The following COL27A1 variants were observed in gnomAD, a reference collection of about 807,000 sequenced individuals.
COL27A1 encodes collagen type XXVII alpha 1 chain.
In COL27A1, 106 loss-of-function variants were observed where a neutral mutation model predicts 251.3. The ratio of observed to expected loss-of-function variants is 0.42; its 90% CI spans 0.36 to 0.50. The LOEUF (loss-of-function observed/expected upper bound fraction) is 0.50, where lower values mean the gene tolerates loss of function less well. Ranked by LOEUF, COL27A1 falls within the 20% of genes least tolerant of loss-of-function variation. The pLI, the probability that COL27A1 is intolerant of heterozygous loss-of-function variation, is 0.00. For synonymous variants in COL27A1, 1,000 were observed against 986.3 expected (o/e 1.01, Z -0.26); for missense variants, 2,325 against 2,522.8 (o/e 0.92, Z 1.68).
At chr9:114,268,056 T>C (rs984674479) in intron 34 of COL27A1, among the ~76,000 whole-genome samples, 1 of 152,202 alleles carries the variant, frequency 6.6e-6, no homozygotes, top group Non-Finnish European at 1.5e-5. Flanking sequence ...CCCCCTTCCA[T>C]GCCTAAGTCT....
chr9:114,214,090 G>A (rs1830550327), intron 12 of COL27A1, among the ~76,000 whole-genome samples: 1 of 152,156 alleles, frequency 6.6e-6, no homozygotes, highest in Non-Finnish European at 1.5e-5. Context: ...CACATCGGCT[G>A]AGTCCCTACA....
At chr9:114,189,051 A>T (rs534109996) in intron 5 of COL27A1, among the ~76,000 whole-genome samples, 3 of 152,362 alleles carry the variant, frequency 2.0e-5, no homozygotes, top group Admixed American at 1.3e-4. Context: ...TTTAAAAAAA[A>T]TAATGTGTCA....
chr9:114,183,814 C>T (rs1452386573), intron 5 of COL27A1, among the ~76,000 whole-genome samples: 1 of 152,074 alleles, frequency 6.6e-6, no homozygotes, highest in Non-Finnish European at 1.5e-5. Context: ...TGCCACCTCC[C>T]CCAGGGAGTC....
chr9:114,167,928 C>A lies in COL27A1; in HGVS notation c.373C>A (p.Gln125Lys), dbSNP rs1396298548. Residue 125 changes from glutamine to lysine, a missense_variant, in exon 3 of 61, where the codon CAG becomes AAG. Transcript: ENST00000356083. ...TGTCCGCAGCCAGAAACGCAAGCTGCAGCTGGGCCTGCAGTTCCTCCCCGG... is the reference window on the plus strand; with the variant it reads ...TGTCCGCAGCCAGAAACGCAAGCTGAAGCTGGGCCTGCAGTTCCTCCCCGG... ...FAVRSQKRKL[Q>K]LGLQFLPGKT... 7 of 1,611,156 alleles carry A rather than the reference C, an allele frequency of 4.3e-6. No individual in the cohort carries two copies. In the East Asian group the frequency reaches 8.9e-5, roughly 21 times the overall value.
intron 12 of COL27A1, among the ~76,000 whole-genome samples, chr9:114,215,823 G>T (rs1830677649): frequency 6.6e-6 from 1 of 152,136 alleles, no homozygotes; most frequent in Admixed American, 6.5e-5. Flanking sequence ...GAGTTGACCA[G>T]GGGCTGCATT....
At chr9:114,259,130 C>T (rs1564535461) in intron 28 of COL27A1, among the ~76,000 whole-genome samples, 1 of 152,192 alleles carries the variant, frequency 6.6e-6, no homozygotes, top group Non-Finnish European at 1.5e-5. Context: ...TGAGTTGATG[C>T]CAGCTTCCTG....
intron 5 of COL27A1, among the ~76,000 whole-genome samples, chr9:114,191,672 C>T (rs538801764): frequency 1.3e-4 from 20 of 152,274 alleles, no homozygotes; most frequent in Admixed American, 5.9e-4. Flanking sequence ...ATCACTGATG[C>T]GCATTTAGGT....
intron 28 of COL27A1, among the ~76,000 whole-genome samples, chr9:114,262,345 G>A (rs868073412): frequency 2.6e-5 from 4 of 152,220 alleles, no homozygotes; most frequent in African/African-American, 7.2e-5. Context: ...CCTGAGCCCC[G>A]TAATGCCCAC....
At chr9:114,179,832 CTTTTTTTTTTTTTTTTT>C (rs139712391) in intron 4 of COL27A1, among the ~76,000 whole-genome samples, 2 of 100,190 alleles carry the variant, frequency 2.0e-5, no homozygotes, top group Admixed American at 1.2e-4. Flanking sequence ...AGCCTACCAT[CTTTTTTTTTTTTTTTTT>C]TTTTTTTTTG....
In COL27A1 at chr9:114,168,044, C is replaced by T; in HGVS notation, c.489C>T (p.Leu163=). ...GCTGGCACCACCTGGCCCTCGAGCT[C>T]CGAGGCCGCACAGTCACTCTGGTGA... The part of the protein sequence containing the change: ...DGRWHHLALE[L]RGRTVTLVTA... Residue 163 remains leucine (L), a synonymous_variant, in exon 3 of 61, where the codon CTC becomes CTT. Transcript: ENST00000356083. 6.2e-7 allele frequency: 1 copy of T among 1,606,726 alleles called. No individual in the cohort carries two copies. The highest frequency in any genetic ancestry group is 8.5e-7 in the Non-Finnish European group (1 of 1,179,762).
chr9:114,273,650 T>A (rs1835296014), intron 36 of COL27A1: 1 of 152,342 alleles, frequency 6.6e-6, no homozygotes, highest in Non-Finnish European at 1.5e-5. Context: ...TTTATCAGTG[T>A]CCCTCGTAAA....
At chr9:114,162,624 G>T in intron 1 of COL27A1, 91 bp from the exon 2 acceptor site, 1 of 917,914 alleles carries the variant, frequency 1.1e-6, no homozygotes, top group Non-Finnish European at 1.8e-6. Flanking sequence ...GGTGAGACTG[G>T]GACTGGTTTC....
In COL27A1 at chr9:114,231,964, C is replaced by G. The variant is rs878910794; in HGVS notation, c.2565+98C>G. The G allele has an allele frequency of 2.6e-6, 3 of 1,158,588 alleles. No individual in the cohort carries two copies. The South Asian group carries it at 3.8e-5, about 15-fold the overall frequency. 71.8% of individuals were successfully genotyped at this position (1,158,588 alleles called of 1,614,324 possible). Reference sequence around the variant, plus strand: ...CTGATTTCTCGCCAGGTCCACTCCCCTGCACTCTTCCTGCCTCTCCTCTGG... The same window carrying G: ...CTGATTTCTCGCCAGGTCCACTCCCGTGCACTCTTCCTGCCTCTCCTCTGG... On this transcript the variant is annotated intron_variant, in intron 16 of 60. Transcript: ENST00000356083.
In COL27A1 at chr9:114,168,596, G is replaced by C. The variant is rs774426205; in HGVS notation, c.1041G>C (p.Thr347=). The C allele has an allele frequency of 6.6e-5, 106 of 1,613,862 alleles. No individual in the cohort carries two copies. The Admixed American group carries it at 1.7e-3, about 27-fold the overall frequency. The part of the protein sequence containing the change: ...LPASVGGSTR[T]PRPAAAQPSQ... Reference sequence around the variant, plus strand: ...CCTCTGTTGGCGGCTCTACCAGAACGCCTCGCCCTGCGGCCGCTCAACCAT... The same window carrying C: ...CCTCTGTTGGCGGCTCTACCAGAACCCCTCGCCCTGCGGCCGCTCAACCAT... Residue 347 remains threonine (T), a synonymous_variant, in exon 3 of 61, where the codon ACG becomes ACC. Transcript: ENST00000356083.
chr9:114,295,130 G>T (rs943879701), intron 49 of COL27A1, among the ~76,000 whole-genome samples: 1 of 152,188 alleles, frequency 6.6e-6, no homozygotes, highest in Admixed American at 6.5e-5. Context: ...CAAATGAATT[G>T]CATTTCTATA....
intron 12 of COL27A1, among the ~76,000 whole-genome samples, chr9:114,214,735 G>A (rs1324977704): frequency 6.6e-6 from 1 of 152,228 alleles, no homozygotes; most frequent in African/African-American, 2.4e-5. Context: ...AACCTCCAGA[G>A]GAAAGCTTGG....
At chr9:114,294,832 T>C (rs1282540359) in intron 49 of COL27A1, among the ~76,000 whole-genome samples, 1 of 152,256 alleles carries the variant, frequency 6.6e-6, no homozygotes, top group Non-Finnish European at 1.5e-5. Flanking sequence ...CTGGCAATTC[T>C]AGCCAGTGCA....
At chr9:114,256,646 G>A (rs1833941962) in intron 27 of COL27A1, among the ~76,000 whole-genome samples, 1 of 152,150 alleles carries the variant, frequency 6.6e-6, no homozygotes, top group Admixed American at 6.5e-5. Context: ...AGAGCAGGCA[G>A]CTACCTTTTC....
intron 7 of COL27A1, among the ~76,000 whole-genome samples, chr9:114,196,432 CAA>C (rs1046291066): frequency 6.6e-6 from 1 of 152,164 alleles, no homozygotes; most frequent in African/African-American, 2.4e-5. Context: ...GAGATGGAGA[CAA>C]TGATCCCCGT....
Sources: gnomAD v4.1 joint callset for allele counts (sites outside exome capture counted in the v4.1 genomes callset) on GRCh38, gnomAD v4.1.1 for gene constraint, MANE v1.5 for transcripts, NCBI Gene and HGNC (gene_info 2026-07-23, HGNC 2026-07-21) for gene names.